The following KCND2 variants were observed in gnomAD, a reference collection of about 807,000 sequenced individuals.
The protein encoded by KCND2 is A-type voltage-gated potassium channel KCND2.
Under a neutral mutation model 54.4 loss-of-function variants are expected in KCND2, and 16 were observed. The observed-to-expected ratio is 0.29, with a 90% confidence interval of 0.20 to 0.45. The LOEUF is 0.45. KCND2 is among the 20% of genes least tolerant of loss of function. The pLI, the probability that KCND2 is intolerant of heterozygous loss-of-function variation, is 1.00. For synonymous variants in KCND2, 317 were observed against 310.7 expected (o/e 1.02, Z -0.21); for missense variants, 486 against 824.2 (o/e 0.59, Z 5.02).
intron 1 of KCND2, among the ~76,000 whole-genome samples, chr7:120,637,242 A>G (rs1483495156): frequency 6.6e-6 from 1 of 152,126 alleles, no homozygotes; most frequent in African/African-American, 2.4e-5. Context: ...TTTCTGAAGG[A>G]GAGTAAAATT....
At chr7:120,609,849 C>G (rs60967957) in intron 1 of KCND2, among the ~76,000 whole-genome samples, 8,751 of 152,114 alleles carry the variant, frequency 0.058, 270 homozygotes, top group African/African-American at 0.075. Context: ...AAGCACAGGG[C>G]CCTCATAAAT....
At chr7:120,302,837 G>T (rs1799605947) in intron 1 of KCND2, among the ~76,000 whole-genome samples, 1 of 152,162 alleles carries the variant, frequency 6.6e-6, no homozygotes. Context: ...TTTTCAGAAT[G>T]AATCACTAAT....
intron 1 of KCND2, among the ~76,000 whole-genome samples, chr7:120,583,707 G>T (rs575548616): frequency 6.7e-5 from 10 of 150,170 alleles, no homozygotes; most frequent in Admixed American, 2.7e-4. Flanking sequence ...CACTTAATTA[G>T]CTCCTTCAAG....
chr7:120,324,199 G>T (rs1441721930), intron 1 of KCND2, among the ~76,000 whole-genome samples: 1 of 149,568 alleles, frequency 6.7e-6, no homozygotes, highest in Non-Finnish European at 1.5e-5. Context: ...CTGGATATTA[G>T]CCCTTTGTCA....
intron 1 of KCND2, among the ~76,000 whole-genome samples, chr7:120,547,597 A>C (rs907210753): frequency 2.6e-5 from 4 of 151,988 alleles, no homozygotes; most frequent in African/African-American, 9.7e-5. Context: ...TCCAAGGGTG[A>C]TATAGGTTTC....
At position 120,633,065 on chromosome 7, in the gene KCND2, G is replaced by A. The variant is rs577375080; in HGVS notation, c.1116-99838G>A. On this transcript the variant is annotated intron_variant, in intron 1 of 5. Transcript: ENST00000331113. Reference sequence around the variant, plus strand: ...TGATCAACCATTGTTAATCACACACGTAAAGCCCTGAATTATCGCCATTTC... The same window carrying A: ...TGATCAACCATTGTTAATCACACACATAAAGCCCTGAATTATCGCCATTTC... 2.0e-5 allele frequency among the ~76,000 whole-genome samples: 3 copies of A among 152,214 alleles called. No individual in the cohort carries two copies. The South Asian group carries it at 6.2e-4, about 32-fold the overall frequency.
At chr7:120,513,568 AGTT>A (rs1803152309) in intron 1 of KCND2, among the ~76,000 whole-genome samples, 1 of 152,220 alleles carries the variant, frequency 6.6e-6, no homozygotes, top group East Asian at 1.9e-4. Context: ...GGAACTGACT[AGTT>A]GTTTTGGTTT....
chr7:120,447,285 T>C (rs1802030428), intron 1 of KCND2, among the ~76,000 whole-genome samples: 1 of 150,942 alleles, frequency 6.6e-6, no homozygotes, highest in Admixed American at 6.6e-5. Context: ...CAAGAATGGA[T>C]ATATAACCTA....
At chr7:120,677,521 A>G (rs1471244830) in intron 1 of KCND2, among the ~76,000 whole-genome samples, 2 of 138,764 alleles carry the variant, frequency 1.4e-5, no homozygotes, top group Non-Finnish European at 3.0e-5. Flanking sequence ...ATTCAAATAT[A>G]TATATATAGA....
At chr7:120,576,546 T>C (rs1792436652) in intron 1 of KCND2, among the ~76,000 whole-genome samples, 1 of 152,184 alleles carries the variant, frequency 6.6e-6, no homozygotes, top group Non-Finnish European at 1.5e-5. Flanking sequence ...TTTATTCATA[T>C]TGCCAAACAA....
At chr7:120,344,926 T>C (rs1800292604) in intron 1 of KCND2, among the ~76,000 whole-genome samples, 1 of 152,132 alleles carries the variant, frequency 6.6e-6, no homozygotes, top group Non-Finnish European at 1.5e-5. Flanking sequence ...AGCTCACAGC[T>C]GGGATAAACT....
intron 1 of KCND2, among the ~76,000 whole-genome samples, chr7:120,611,444 G>A (rs990408953): frequency 2.0e-5 from 3 of 152,164 alleles, no homozygotes; most frequent in Non-Finnish European, 2.9e-5. Context: ...TTTGCAGGGG[G>A]TGTAGGTTAG....
intron 1 of KCND2, among the ~76,000 whole-genome samples, chr7:120,340,202 A>T (rs1048951786): frequency 6.6e-6 from 1 of 152,260 alleles, no homozygotes; most frequent in African/African-American, 2.4e-5. Flanking sequence ...TTAGAAAGGA[A>T]TATAGTAATC....
chr7:120,446,115 C>T (rs1802015053), intron 1 of KCND2, among the ~76,000 whole-genome samples: 1 of 152,084 alleles, frequency 6.6e-6, no homozygotes, highest in African/African-American at 2.4e-5. Flanking sequence ...TAACCATGTC[C>T]TGGAGTCTTT....
chr7:120,595,597 A>G (rs1792734525), intron 1 of KCND2, among the ~76,000 whole-genome samples: 2 of 144,408 alleles, frequency 1.4e-5, no homozygotes, highest in South Asian at 2.2e-4. Flanking sequence ...GTGTGTATAT[A>G]TATATATATA....
chr7:120,621,968 TTTG>T (rs941455150), intron 1 of KCND2, among the ~76,000 whole-genome samples: 31 of 151,992 alleles, frequency 2.0e-4, no homozygotes, highest in African/African-American at 7.0e-4. Context: ...AGAAGGTTTT[TTTG>T]TTGTTGTTGT....
At chr7:120,666,700 C>T (rs1791931386) in intron 1 of KCND2, among the ~76,000 whole-genome samples, 1 of 151,990 alleles carries the variant, frequency 6.6e-6, no homozygotes, top group African/African-American at 2.4e-5. Flanking sequence ...TAAATTAGCA[C>T]AGTTAGCCTA....
chr7:120,534,325 A>G (rs1424717635), intron 1 of KCND2, among the ~76,000 whole-genome samples: 4 of 152,062 alleles, frequency 2.6e-5, no homozygotes, highest in Admixed American at 1.3e-4. Context: ...TTACCTCCTT[A>G]CCTACCTAAC....
Position 120,274,605 on chromosome 7 carries a change from A to C in KCND2, c.-28A>C, listed in dbSNP as rs1347620860. 6.2e-7 allele frequency: 1 copy of C among 1,613,922 alleles called. No individual in the cohort carries two copies. Among genetic ancestry groups the C allele is most frequent in the Non-Finnish European group, 8.5e-7 (1 of 1,179,988 alleles). ...GGTGACCCATTGTAGACGCCTCGTT[A>C]CCCTTCTTCCTTCCGCTTCAAGTAA... is the stretch of plus-strand genomic sequence containing the variant. On this transcript the variant is annotated 5_prime_UTR_variant, in exon 1 of 6. Transcript: ENST00000331113.
Sources: gnomAD v4.1 joint callset for allele counts (sites outside exome capture counted in the v4.1 genomes callset) on GRCh38, gnomAD v4.1.1 for gene constraint, MANE v1.5 for transcripts, NCBI Gene and HGNC (gene_info 2026-07-23, HGNC 2026-07-21) for gene names.